Variants in GALNT17 observed in about 807,000 individuals in gnomAD.
GALNT17 encodes UDP-GalNAc:polypeptide N-acetylgalactosaminyltransferase-like 3.
In GALNT17, 29 loss-of-function variants were observed where a neutral mutation model predicts 63.7. That is an observed-to-expected ratio of 0.46 (90% CI 0.34 to 0.62). The LOEUF is 0.62. Ranked by LOEUF, GALNT17 falls within the 20% of genes least tolerant of loss-of-function variation. The probability of loss-of-function intolerance (pLI) is 0.01; values close to 1 mark genes in which losing one functional copy is unlikely to be tolerated. For synonymous variants in GALNT17, 305 were observed against 318.3 expected (o/e 0.96, Z 0.45); for missense variants, 603 against 799.6 (o/e 0.75, Z 2.97).
chr7:71,350,524 G>A (rs1045264522), intron 2 of GALNT17, among the ~76,000 whole-genome samples: 36 of 152,000 alleles, frequency 2.4e-4, no homozygotes, highest in African/African-American at 8.4e-4. Context: ...ATAAAAAATA[G>A]CAATACGACA....
intron 5 of GALNT17, among the ~76,000 whole-genome samples, chr7:71,503,071 C>A (rs1398863428): frequency 6.6e-6 from 1 of 152,228 alleles, no homozygotes; most frequent in Admixed American, 6.5e-5. Context: ...TTTCAGCATT[C>A]TTCTTACTTG....
At chr7:71,671,952 C>T (rs1485400479) in intron 8 of GALNT17, among the ~76,000 whole-genome samples, 1 of 148,104 alleles carries the variant, frequency 6.8e-6, no homozygotes, top group Admixed American at 6.9e-5. Flanking sequence ...TGCTTGAACC[C>T]GATAGGCAGA....
intron 2 of GALNT17, among the ~76,000 whole-genome samples, chr7:71,375,737 A>G (rs957898656): frequency 7.2e-5 from 11 of 152,162 alleles, no homozygotes; most frequent in African/African-American, 2.7e-4. Flanking sequence ...TTTAGTTTCT[A>G]TAAAGAAACC....
chr7:71,233,490 G>T (rs930627142), intron 1 of GALNT17, among the ~76,000 whole-genome samples: 5 of 152,200 alleles, frequency 3.3e-5, no homozygotes, highest in African/African-American at 9.7e-5. Flanking sequence ...TGCAAAGAGA[G>T]ATAGAACTGC....
chr7:71,319,316 A>AC (rs1791562521), intron 1 of GALNT17, among the ~76,000 whole-genome samples: 1 of 151,850 alleles, frequency 6.6e-6, no homozygotes, highest in Non-Finnish European at 1.5e-5. Context: ...TGTGAACATC[A>AC]CCAATGCATT....
intron 1 of GALNT17, among the ~76,000 whole-genome samples, chr7:71,287,014 G>A (rs1322083253): frequency 1.3e-5 from 2 of 151,936 alleles, no homozygotes; most frequent in Admixed American, 6.6e-5. Context: ...GGCTAGTCTC[G>A]TACTCCTGGG....
At chr7:71,227,251 C>A (rs1376275075) in intron 1 of GALNT17, among the ~76,000 whole-genome samples, 1 of 149,684 alleles carries the variant, frequency 6.7e-6, no homozygotes, top group Non-Finnish European at 1.5e-5. Flanking sequence ...GTAGTCGCAG[C>A]TACTTGGGAG....
chr7:71,427,285 A>AATTT (rs1786777214), intron 5 of GALNT17, among the ~76,000 whole-genome samples: 1 of 151,052 alleles, frequency 6.6e-6, no homozygotes, highest in Non-Finnish European at 1.5e-5. Flanking sequence ...TTTAGTAGAG[A>AATTT]CGAGGTTTTA....
intron 1 of GALNT17, among the ~76,000 whole-genome samples, chr7:71,279,256 A>G (rs775351735): frequency 6.6e-6 from 1 of 151,748 alleles, no homozygotes; most frequent in Non-Finnish European, 1.5e-5. Flanking sequence ...CTAATCTAGT[A>G]TTTCTTCTTA....
chr7:71,658,858 A>G (rs1790866599), intron 6 of GALNT17, among the ~76,000 whole-genome samples: 1 of 151,846 alleles, frequency 6.6e-6, no homozygotes, highest in Admixed American at 6.6e-5. Context: ...ACTGCCCTCC[A>G]GCCTGGGTGA....
At chr7:71,190,282 G>C (rs1788927720) in intron 1 of GALNT17, among the ~76,000 whole-genome samples, 1 of 152,184 alleles carries the variant, frequency 6.6e-6, no homozygotes, top group Non-Finnish European at 1.5e-5. Flanking sequence ...GGGGCCTGGA[G>C]GGAGCTGTTT....
intron 9 of GALNT17, among the ~76,000 whole-genome samples, chr7:71,679,136 A>C (rs1291980787): frequency 1.3e-5 from 2 of 152,142 alleles, no homozygotes; most frequent in Non-Finnish European, 2.9e-5. Context: ...CATGGAAAGC[A>C]ATATGAGCTA....
Position 71,712,306 on chromosome 7 carries a change from C to A in GALNT17, c.*160C>A. The A allele has an allele frequency of 1.2e-6, 1 of 841,904 alleles. No individual in the cohort carries two copies. Among genetic ancestry groups the A allele is most frequent in the Non-Finnish European group, 1.7e-6 (1 of 572,990 alleles). The allele number at this position is 841,904 out of a possible 1,614,324, so 52.2% of individuals were successfully genotyped here. A position where few individuals can be genotyped will look rare whatever the true frequency, so the allele number is the denominator to read the frequency against. ...GCAGCACAGGGACCCCGGATGAAGACTCTGTCCCCCCTCAGGCATTCAGCT... is the reference window on the plus strand; with the variant it reads ...GCAGCACAGGGACCCCGGATGAAGAATCTGTCCCCCCTCAGGCATTCAGCT... On this transcript the variant is annotated 3_prime_UTR_variant, in exon 11 of 11. Coordinates refer to ENST00000333538, the MANE Select transcript of GALNT17 (RefSeq NM_022479.3).
intron 1 of GALNT17, among the ~76,000 whole-genome samples, chr7:71,160,889 A>T (rs755698339): frequency 2.6e-5 from 4 of 152,122 alleles, no homozygotes; most frequent in Non-Finnish European, 5.9e-5. Context: ...CCAGGCTGTG[A>T]TGCAGTGGTG....
chr7:71,469,647 G>A (rs1563116294), intron 5 of GALNT17, among the ~76,000 whole-genome samples: 4 of 152,192 alleles, frequency 2.6e-5, no homozygotes, highest in Non-Finnish European at 4.4e-5. Context: ...GCCAAAACTC[G>A]GTGACTGGCA....
At chr7:71,309,669 A>T (rs972729386) in intron 1 of GALNT17, among the ~76,000 whole-genome samples, 1 of 152,204 alleles carries the variant, frequency 6.6e-6, no homozygotes, top group African/African-American at 2.4e-5. Flanking sequence ...ATAGGATATT[A>T]TAATGATAAT....
At chr7:71,392,853 T>G (rs1293313944) in intron 3 of GALNT17, among the ~76,000 whole-genome samples, 2 of 151,248 alleles carry the variant, frequency 1.3e-5, no homozygotes, top group African/African-American at 4.8e-5. Flanking sequence ...TCTCTTGAAC[T>G]AGAAGAGGAA....
At chr7:71,222,113 G>T (rs993072072) in intron 1 of GALNT17, among the ~76,000 whole-genome samples, 7 of 151,744 alleles carry the variant, frequency 4.6e-5, no homozygotes, top group Non-Finnish European at 7.4e-5. Context: ...CACCATGTTG[G>T]CCAGACTGGA....
chr7:71,227,643 T>G (rs1789706391), intron 1 of GALNT17, among the ~76,000 whole-genome samples: 1 of 152,198 alleles, frequency 6.6e-6, no homozygotes, highest in South Asian at 2.1e-4. Flanking sequence ...TGATTTGATT[T>G]GATGGCATAC....
Sources: gnomAD v4.1 joint callset for allele counts (sites outside exome capture counted in the v4.1 genomes callset) on GRCh38, gnomAD v4.1.1 for gene constraint, MANE v1.5 for transcripts, NCBI Gene and HGNC (gene_info 2026-07-23, HGNC 2026-07-21) for gene names.